Variants in WIPF1 observed in about 807,000 individuals in gnomAD.
WIPF1 encodes the protein WAS/WASL interacting protein family member 1, also known as WAS/WASL-interacting protein family member 1.
In WIPF1, 13 loss-of-function variants were observed where a neutral mutation model predicts 35.4. The observed-to-expected ratio is 0.37, with a 90% CI of 0.24 to 0.58. The LOEUF is 0.58. Ranked by LOEUF, WIPF1 falls within the 20% of genes least tolerant of loss-of-function variation. WIPF1 has a pLI of 0.74. For missense variants in WIPF1, 591 were observed against 667.0 expected, an observed-to-expected ratio of 0.89 and a Z score of 1.25; for synonymous variants, 267 against 266.3, an observed-to-expected ratio of 1.00 and a Z score of -0.02.
intron 1 of WIPF1, among the ~76,000 whole-genome samples, chr2:174,644,760 A>G (rs1313054479): frequency 6.6e-6 from 1 of 152,218 alleles, no homozygotes; most frequent in African/African-American, 2.4e-5. Context: ...CAATTGAGAA[A>G]ATAATGTTGC....
At chr2:174,652,500 T>C (rs1687551861) in intron 1 of WIPF1, among the ~76,000 whole-genome samples, 1 of 152,224 alleles carries the variant, frequency 6.6e-6, no homozygotes, top group South Asian at 2.1e-4. Flanking sequence ...GTGGAAAATC[T>C]GTTGTCTATC....
At chr2:174,607,654 TC>T (rs1227436608) in intron 1 of WIPF1, among the ~76,000 whole-genome samples, 1 of 151,958 alleles carries the variant, frequency 6.6e-6, no homozygotes, top group East Asian at 1.9e-4. Context: ...TCTCCCCCCA[TC>T]TCTTTGCCTT....
chr2:174,636,988 A>G (rs1687198592), intron 1 of WIPF1, among the ~76,000 whole-genome samples: 1 of 152,248 alleles, frequency 6.6e-6, no homozygotes, highest in African/African-American at 2.4e-5. Flanking sequence ...TCTTTCGAAG[A>G]AAGTCCTTCA....
At chr2:174,596,042 GCT>G (rs1685812708) in intron 1 of WIPF1, among the ~76,000 whole-genome samples, 1 of 152,180 alleles carries the variant, frequency 6.6e-6, no homozygotes, top group Non-Finnish European at 1.5e-5. Flanking sequence ...TTTTAGGTAG[GCT>G]GGGGAACTTC....
chr2:174,630,221 T>C (rs1422305540), intron 1 of WIPF1, among the ~76,000 whole-genome samples: 1 of 152,202 alleles, frequency 6.6e-6, no homozygotes, highest in Non-Finnish European at 1.5e-5. Context: ...ATATGTCATA[T>C]TAAAATCTGG....
intron 1 of WIPF1, among the ~76,000 whole-genome samples, chr2:174,619,491 A>G (rs1267353807): frequency 6.6e-6 from 1 of 152,198 alleles, no homozygotes; most frequent in Non-Finnish European, 1.5e-5. Flanking sequence ...GCTAATGTCA[A>G]TATCTTTATA....
intron 1 of WIPF1, among the ~76,000 whole-genome samples, chr2:174,681,353 C>G (rs1243670830): frequency 6.6e-6 from 1 of 152,130 alleles, no homozygotes; most frequent in Non-Finnish European, 1.5e-5. Context: ...TAGACACACA[C>G]AGTCACAGTA....
At chr2:174,672,187 G>A (rs1249845809) in intron 1 of WIPF1, among the ~76,000 whole-genome samples, 6 of 152,306 alleles carry the variant, frequency 3.9e-5, no homozygotes, top group East Asian at 3.9e-4. Context: ...TATCAGGGGC[G>A]GGTTCCCCCA....
chr2:174,609,993 G>A (rs1038872577), intron 1 of WIPF1, among the ~76,000 whole-genome samples: 4 of 152,198 alleles, frequency 2.6e-5, no homozygotes, highest in African/African-American at 9.6e-5. Flanking sequence ...GGCCAGAACA[G>A]AATTTGTTCT....
chr2:174,585,053 G>A (rs1226822365), intron 2 of WIPF1, among the ~76,000 whole-genome samples: 3 of 152,174 alleles, frequency 2.0e-5, no homozygotes, highest in Non-Finnish European at 4.4e-5. Context: ...AAAACAGATT[G>A]GGAAGAAGAG....
At chr2:174,601,807 G>A (rs1686017453), upstream of WIPF1, among the ~76,000 whole-genome samples, 1 of 152,264 alleles carries the variant, frequency 6.6e-6, no homozygotes. Flanking sequence ...GGGGTCCAGA[G>A]AAGTTAGGCA....
chr2:174,628,144 A>T (rs2105927036), intron 1 of WIPF1, among the ~76,000 whole-genome samples: 1 of 152,238 alleles, frequency 6.6e-6, no homozygotes, highest in South Asian at 2.1e-4. Flanking sequence ...GGCACCCCGG[A>T]ATCTACAAAA....
At chr2:174,673,286 C>G (rs1688059032) in intron 1 of WIPF1, 1 of 152,172 alleles carries the variant, frequency 6.6e-6, no homozygotes, top group Non-Finnish European at 1.5e-5. Context: ...CTGTTATTTT[C>G]AAGTGGTGGA....
chr2:174,619,637 C>T (rs1321144502), intron 1 of WIPF1, among the ~76,000 whole-genome samples: 1 of 152,140 alleles, frequency 6.6e-6, no homozygotes, highest in East Asian at 1.9e-4. Context: ...CCTAGACCCC[C>T]TTTGGCTACA....
At chr2:174,584,442 T>C (rs1685336736) in intron 2 of WIPF1, among the ~76,000 whole-genome samples, 2 of 152,158 alleles carry the variant, frequency 1.3e-5, no homozygotes, top group African/African-American at 4.8e-5. Flanking sequence ...AGTTTCCCCA[T>C]GTGAAAATGG....
chr2:174,592,842 G>A (rs1368758715), intron 1 of WIPF1, among the ~76,000 whole-genome samples: 1 of 152,084 alleles, frequency 6.6e-6, no homozygotes, highest in Non-Finnish European at 1.5e-5. Context: ...CTGACCTCAC[G>A]TGATCCACCC....
intron 1 of WIPF1, among the ~76,000 whole-genome samples, chr2:174,648,882 C>T (rs968224595): frequency 5.9e-5 from 9 of 152,196 alleles, no homozygotes; most frequent in Non-Finnish European, 8.8e-5. Context: ...TGACAGACTG[C>T]CTTGGGCTAT....
intron 1 of WIPF1, among the ~76,000 whole-genome samples, chr2:174,591,673 TACACACAC>T (rs71407131): frequency 6.8e-6 from 1 of 146,724 alleles, no homozygotes; most frequent in African/African-American, 2.5e-5. Flanking sequence ...CTTTGTTGCT[TACACACAC>T]ACACACACAC....
chr2:174,607,898 G>C (rs189823526), intron 1 of WIPF1, among the ~76,000 whole-genome samples: 1 of 152,308 alleles, frequency 6.6e-6, no homozygotes, highest in Non-Finnish European at 1.5e-5. Flanking sequence ...CAAGCTTCCA[G>C]CTCTAAGTTT....
Sources: allele counts gnomAD v4.1 joint callset (sites outside exome capture counted in the v4.1 genomes callset), GRCh38; gene constraint gnomAD v4.1.1; transcripts MANE v1.5; gene names NCBI Gene and HGNC (gene_info 2026-07-23, HGNC 2026-07-21).